CD247: variants seen among roughly 807,000 people sequenced by gnomAD.
The protein encoded by CD247 is CD247 molecule.
In CD247, 13 loss-of-function variants were observed where a neutral mutation model predicts 30.0. That is an observed-to-expected ratio of 0.43 (90% confidence interval 0.28 to 0.69). The LOEUF is 0.69. CD247 is among the 30% of genes least tolerant of loss of function. The probability of loss-of-function intolerance (pLI) is 0.16; values close to 1 mark genes in which losing one functional copy is unlikely to be tolerated. For synonymous variants in CD247, 72 were observed against 80.0 expected (o/e 0.90, Z 0.53); for missense variants, 193 against 212.6 (o/e 0.91, Z 0.57).
intron 1 of CD247, among the ~76,000 whole-genome samples, chr1:167,505,844 C>CCCAG (rs763008874): frequency 2.7e-4 from 41 of 152,330 alleles, no homozygotes; most frequent in South Asian, 1.2e-3. Flanking sequence ...GCTAAGGTGG[C>CCCAG]CCAGCCACCT....
intron 1 of CD247, among the ~76,000 whole-genome samples, chr1:167,464,356 T>G (rs1653148701): frequency 6.6e-6 from 1 of 152,160 alleles, no homozygotes; most frequent in Non-Finnish European, 1.5e-5. Context: ...CCCAAACACT[T>G]GGCTCCAAAC....
intron 1 of CD247, among the ~76,000 whole-genome samples, chr1:167,511,533 G>T (rs1283771985): frequency 6.6e-6 from 1 of 152,060 alleles, no homozygotes; most frequent in Non-Finnish European, 1.5e-5. Flanking sequence ...ATCATAATAC[G>T]TTCTAGAAAA....
intron 1 of CD247, among the ~76,000 whole-genome samples, chr1:167,514,570 G>A (rs964401711): frequency 1.3e-5 from 2 of 152,052 alleles, no homozygotes; most frequent in African/African-American, 4.8e-5. Flanking sequence ...TGACTAAAGC[G>A]ATCATTTTGT....
At chr1:167,515,225 C>G (rs1236566385) in intron 1 of CD247, among the ~76,000 whole-genome samples, 6 of 152,184 alleles carry the variant, frequency 3.9e-5, no homozygotes. Context: ...CATTCACCTC[C>G]CAGCAATTTT....
chr1:167,465,454 G>A (rs561775596), intron 1 of CD247, among the ~76,000 whole-genome samples: 6 of 150,580 alleles, frequency 4.0e-5, no homozygotes, highest in South Asian at 4.2e-4. Context: ...TCAGCCTCCC[G>A]AGTAGCTGGA....
rs1553229977 is a variant in CD247, at chr1:167,449,156, T to TTTTTCTTTTTTTC, written c.59-8390_59-8389insGAAAAAAAGAAAA. Among the ~76,000 whole-genome samples the TTTTTCTTTTTTTC allele has an allele frequency of 2.1e-3, 234 of 113,572 alleles. 2 individuals carry two copies. Among genetic ancestry groups the TTTTTCTTTTTTTC allele is most frequent in the African/African-American group, 5.2e-3 (144 of 27,502 alleles). The allele number at this position is 113,572 out of a possible 152,430, so 74.5% of individuals were successfully genotyped here. On this transcript the variant is annotated intron_variant, in intron 1 of 7. Coordinates refer to ENST00000362089, the MANE Select transcript of CD247 (RefSeq NM_198053.3). ...TGTGATCATTTTTCTTTTCTTTTTT[T>TTTTTCTTTTTTTC]TTTTTTTTTTTTTTGAGACAGAGTC... is the stretch of plus-strand genomic sequence containing the variant.
chr1:167,465,328 T>TTTTC (rs71097679), intron 1 of CD247, among the ~76,000 whole-genome samples: 2,956 of 55,066 alleles, frequency 0.054, 119 homozygotes, highest in African/African-American at 0.12. Flanking sequence ...TTTCTTTTTC[T>TTTTC]TTTTTTTTTT....
chr1:167,496,466 G>T (rs1654695089), intron 1 of CD247, among the ~76,000 whole-genome samples: 2 of 152,222 alleles, frequency 1.3e-5, no homozygotes, highest in African/African-American at 4.8e-5. Context: ...CCTGAGAGGG[G>T]ATCTGCTTAA....
chr1:167,488,248 T>C (rs529840073), intron 1 of CD247, among the ~76,000 whole-genome samples: 2 of 152,326 alleles, frequency 1.3e-5, no homozygotes, highest in East Asian at 3.9e-4. Flanking sequence ...TTGAAGATAA[T>C]TTTACTGCTA....
chr1:167,518,445 G>T lies in CD247; in HGVS notation c.21C>A (p.Phe7Leu), dbSNP rs758310483. The part of the protein sequence containing the change: MKWKAL[F>L]TAAILQAQLP... ...ACTGTGCCTGCAGGATGGCCGCGGTGAAAAGCGCCTTCCACTTCATCTTGT... is the reference window on the plus strand; with the variant it reads ...ACTGTGCCTGCAGGATGGCCGCGGTTAAAAGCGCCTTCCACTTCATCTTGT... Residue 7 changes from phenylalanine to leucine, a missense_variant, in exon 1 of 8, where the codon TTC (phenylalanine) becomes TTA (leucine). Coordinates refer to ENST00000362089, the MANE Select transcript of CD247 (RefSeq NM_198053.3). The T allele has an allele frequency of 6.2e-7, 1 of 1,614,164 alleles. No individual in the cohort carries two copies. The highest frequency in any genetic ancestry group is 1.1e-5 in the South Asian group (1 of 91,078).
chr1:167,471,585 G>C (rs1225040254), intron 1 of CD247, among the ~76,000 whole-genome samples: 2 of 152,054 alleles, frequency 1.3e-5, no homozygotes, highest in Non-Finnish European at 1.5e-5. Flanking sequence ...ATTGTGTGGT[G>C]ATGACTTTTG....
intron 1 of CD247, among the ~76,000 whole-genome samples, chr1:167,468,347 C>G (rs1189467861): frequency 6.6e-6 from 1 of 152,196 alleles, no homozygotes; most frequent in East Asian, 1.9e-4. Flanking sequence ...GAACTTCGCA[C>G]TCCCTCAGTT....
intron 7 of CD247, among the ~76,000 whole-genome samples, chr1:167,432,102 CA>C (rs1377049616): frequency 2.7e-5 from 3 of 110,848 alleles, no homozygotes; most frequent in African/African-American, 1.1e-4. Context: ...GGGCAGGAAT[CA>C]GGGGGGAGGG....
chr1:167,494,012 C>A lies in CD247; in HGVS notation c.58+24396G>T, dbSNP rs766071706. Among the ~76,000 whole-genome samples the A allele has an allele frequency of 2.0e-5, 3 of 152,076 alleles. No homozygotes were observed. Among genetic ancestry groups the A allele is most frequent in the Admixed American group, 6.5e-5 (1 of 15,272 alleles). ...CAGGTGCAGCCTCCGGGACCCAGGACTTTCTTCTCAGGGCTCTGCTGAGTT... is the reference window on the plus strand; with the variant it reads ...CAGGTGCAGCCTCCGGGACCCAGGAATTTCTTCTCAGGGCTCTGCTGAGTT... On this transcript the variant is annotated intron_variant, in intron 1 of 7. Transcript: ENST00000362089. This position sits in a 1 kb window ranked among gnomAD's most constrained non-coding sequence, Gnocchi z 7.3.
chr1:167,438,742 G>A, intron 3 of CD247, 92 bp from the exon 4 acceptor site: 2 of 1,011,566 alleles, frequency 2.0e-6, no homozygotes, highest in Middle Eastern at 4.1e-4. Context: ...CCCTCTCTGG[G>A]GTGGCTCATA....
intron 1 of CD247, among the ~76,000 whole-genome samples, chr1:167,492,920 T>C (rs537517698): frequency 3.3e-4 from 51 of 152,298 alleles, no homozygotes; most frequent in African/African-American, 1.2e-3. Context: ...GGCTGAGTAT[T>C]TTGGGGCTGT....
chr1:167,434,493 G>T (rs1391412853), intron 5 of CD247: 2 of 353,552 alleles, frequency 5.7e-6, no homozygotes, highest in Non-Finnish European at 1.1e-5. Context: ...GAGGGGCGGG[G>T]AGGCATCTCC....
intron 1 of CD247, among the ~76,000 whole-genome samples, chr1:167,481,201 C>T (rs189485086): frequency 6.6e-6 from 1 of 152,242 alleles, no homozygotes; most frequent in Non-Finnish European, 1.5e-5. Context: ...GTGGGAGGAT[C>T]ACTTAAGCCT....
intron 1 of CD247, among the ~76,000 whole-genome samples, chr1:167,502,218 T>C (rs1360337466): frequency 6.6e-6 from 1 of 152,228 alleles, no homozygotes; most frequent in Admixed American, 6.5e-5. Context: ...ATTTATTGCA[T>C]GTGAACGTGT....
Sources: allele counts gnomAD v4.1 joint callset (sites outside exome capture counted in the v4.1 genomes callset), GRCh38; gene constraint gnomAD v4.1.1; non-coding constraint Gnocchi (gnomAD v3.1); transcripts MANE v1.5; gene names NCBI Gene and HGNC (gene_info 2026-07-23, HGNC 2026-07-21).